The following TNR variants were observed in gnomAD, a reference collection of about 807,000 sequenced individuals.
TNR encodes the protein tenascin-R.
A neutral mutation model predicts 150.4 loss-of-function variants in TNR; 45 were observed. The observed-to-expected ratio is 0.30, with a 90% confidence interval of 0.24 to 0.38. TNR has a LOEUF of 0.38. Ranked by LOEUF, TNR falls within the 10% of genes least tolerant of loss-of-function variation. The probability of loss-of-function intolerance (pLI) is 1.00; values close to 1 mark genes in which losing one functional copy is unlikely to be tolerated. For synonymous variants in TNR, 687 were observed against 678.4 expected (o/e 1.01, Z -0.20); for missense variants, 1,544 against 1,759.1 (o/e 0.88, Z 2.19).
At chr1:175,568,469 A>G (rs929631708) in intron 1 of TNR, among the ~76,000 whole-genome samples, 10 of 152,116 alleles carry the variant, frequency 6.6e-5, no homozygotes, top group Middle Eastern at 3.2e-3. Context: ...CCTTCACTTT[A>G]CAAGAGGTGC....
intron 9 of TNR, among the ~76,000 whole-genome samples, chr1:175,369,638 C>T (rs978012630): frequency 6.7e-5 from 10 of 149,112 alleles, no homozygotes; most frequent in African/African-American, 1.7e-4. Context: ...AACTGTGGCA[C>T]GGAGTAAGTC....
At chr1:175,427,889 GCTTCCTTC>G (rs71129510) in intron 2 of TNR, among the ~76,000 whole-genome samples, 10,030 of 111,482 alleles carry the variant, frequency 0.09, 424 homozygotes, top group African/African-American at 0.13. Context: ...TCCCTTCTTC[GCTTCCTTC>G]CTTCCTTCCT....
intron 1 of TNR, among the ~76,000 whole-genome samples, chr1:175,650,878 TCCC>T (rs1266978456): frequency 5.3e-5 from 2 of 37,758 alleles, no homozygotes; most frequent in Non-Finnish European, 9.6e-5. Context: ...TTCCTCCTCC[TCCC>T]CACCTCATTA....
intron 2 of TNR, among the ~76,000 whole-genome samples, chr1:175,465,984 C>T (rs1385694530): frequency 6.6e-6 from 1 of 152,212 alleles, no homozygotes; most frequent in African/African-American, 2.4e-5. Flanking sequence ...TGGACCCTGG[C>T]TCTGCAACCT....
At chr1:175,544,303 G>T (rs1428229856) in intron 1 of TNR, among the ~76,000 whole-genome samples, 1 of 152,192 alleles carries the variant, frequency 6.6e-6, no homozygotes, top group African/African-American at 2.4e-5. Context: ...GATAGTGAGA[G>T]CCCAAACTCA....
intron 1 of TNR, among the ~76,000 whole-genome samples, chr1:175,716,345 C>A (rs1486713172): frequency 6.6e-6 from 1 of 152,190 alleles, no homozygotes; most frequent in East Asian, 1.9e-4. Flanking sequence ...CAAGACATCT[C>A]AAATCCAAAC....
chr1:175,709,034 G>C (rs1427837602), intron 1 of TNR, among the ~76,000 whole-genome samples: 2 of 151,346 alleles, frequency 1.3e-5, no homozygotes, highest in African/African-American at 4.9e-5. Flanking sequence ...TGATATTGGT[G>C]TGGTGAGTGT....
chr1:175,731,316 TGGGCAA>T (rs1401864726), intron 1 of TNR, among the ~76,000 whole-genome samples: 1 of 152,236 alleles, frequency 6.6e-6, no homozygotes, highest in African/African-American at 2.4e-5. Context: ...TGTGCTATCT[TGGGCAA>T]GTCACTGAAA....
intron 9 of TNR, 90 bp from the exon 10 acceptor site, chr1:175,367,387 ATTCATATCTTGTGT>A (rs1651894872): frequency 1.9e-6 from 2 of 1,041,858 alleles, no homozygotes; most frequent in African/African-American, 3.1e-5. Flanking sequence ...TTAGACTCCT[ATTCATATCTTGTGT>A]TTAGTCCTCC....
chr1:175,608,146 C>A (rs1173369990), intron 1 of TNR, among the ~76,000 whole-genome samples: 1 of 152,186 alleles, frequency 6.6e-6, no homozygotes, highest in Non-Finnish European at 1.5e-5. Context: ...CTTCTGAAGG[C>A]TTATTACTCC....
intron 1 of TNR, among the ~76,000 whole-genome samples, chr1:175,589,877 TA>T (rs1424437124): frequency 6.6e-6 from 1 of 152,140 alleles, no homozygotes; most frequent in East Asian, 1.9e-4. Context: ...GGGATAGCGT[TA>T]GGAGAAATAC....
At chr1:175,477,234 T>C (rs2102124272) in intron 2 of TNR, among the ~76,000 whole-genome samples, 1 of 152,306 alleles carries the variant, frequency 6.6e-6, no homozygotes, top group African/African-American at 2.4e-5. Context: ...CATATGTCAT[T>C]CCCACTAATA....
chr1:175,324,592 C>A, intron 21 of TNR, 73 bp from the exon 22 acceptor site: 2 of 1,538,784 alleles, frequency 1.3e-6, no homozygotes, highest in Non-Finnish European at 1.8e-6. Flanking sequence ...ACACTTGACC[C>A]ACTTCCAGCA....
At position 175,331,239 on chromosome 1, in the gene TNR, TTCCC is replaced by T. The variant is rs1176633981; in HGVS notation, c.3632-1008_3632-1005del. Among the ~76,000 whole-genome samples, 10 of 120,482 alleles carry T rather than the reference TTCCC, an allele frequency of 8.3e-5. No individual in the cohort carries two copies. In the East Asian group the frequency reaches 2.0e-3, roughly 24 times the overall value. 79.0% of individuals were successfully genotyped at this position (120,482 alleles called of 152,430 possible). A position where few individuals can be genotyped will look rare whatever the true frequency, so the allele number is the denominator to read the frequency against. On this transcript the variant is annotated intron_variant, in intron 20 of 22. Transcript: ENST00000367674. Reference sequence around the variant, plus strand: ...CTTCCTTCTTTCCTGCCTCCCCTCCTTCCCTCCCTCCCTCCCTCCCTTCCTTCCT... The same window carrying T: ...CTTCCTTCTTTCCTGCCTCCCCTCCTTCCCTCCCTCCCTCCCTTCCTTCCT...
At chr1:175,500,675 G>A (rs1350931179) in intron 2 of TNR, among the ~76,000 whole-genome samples, 1 of 152,176 alleles carries the variant, frequency 6.6e-6, no homozygotes, top group Non-Finnish European at 1.5e-5. Context: ...TAGGAAAAGA[G>A]GGCTCCATGC....
intron 1 of TNR, among the ~76,000 whole-genome samples, chr1:175,717,053 G>A (rs1266626290): frequency 3.3e-5 from 5 of 152,032 alleles, no homozygotes; most frequent in South Asian, 2.1e-4. Flanking sequence ...GCCCTTCCTC[G>A]TACTATGCTC....
intron 1 of TNR, among the ~76,000 whole-genome samples, chr1:175,711,061 C>T (rs1314781848): frequency 2.6e-5 from 4 of 152,128 alleles, no homozygotes; most frequent in African/African-American, 9.7e-5. Flanking sequence ...GAGGATGTGC[C>T]TCTGTATGGG....
At chr1:175,375,913 A>T (rs1273965433) in intron 9 of TNR, among the ~76,000 whole-genome samples, 1 of 152,222 alleles carries the variant, frequency 6.6e-6, no homozygotes. Context: ...CTACAACCCA[A>T]TGAGGTAGAT....
At chr1:175,720,672 G>C (rs1368126842) in intron 1 of TNR, among the ~76,000 whole-genome samples, 1 of 152,226 alleles carries the variant, frequency 6.6e-6, no homozygotes, top group Non-Finnish European at 1.5e-5. Context: ...GGAAGTAATA[G>C]ATTTTAATGT....
Sources: gnomAD v4.1 joint callset for allele counts (sites outside exome capture counted in the v4.1 genomes callset) on GRCh38, gnomAD v4.1.1 for gene constraint, MANE v1.5 for transcripts, NCBI Gene and HGNC (gene_info 2026-07-23, HGNC 2026-07-21) for gene names.